Variants in RPL28 observed in about 807,000 individuals in gnomAD.
The protein encoded by RPL28 is large ribosomal subunit protein eL28.
Under a neutral mutation model 12.5 loss-of-function variants are expected in RPL28, and 4 were observed. The ratio of observed to expected loss-of-function variants is 0.32; its 90% CI spans 0.16 to 0.73. The LOEUF is 0.73. Among genes scored for constraint, RPL28 ranks in the 30% least tolerant of loss-of-function variants. RPL28 has a pLI of 0.66. For missense variants in RPL28, 214 were observed against 197.7 expected, an observed-to-expected ratio of 1.08 and a Z score of -0.49; for synonymous variants, 91 against 72.5, an observed-to-expected ratio of 1.26 and a Z score of -1.30.
Position 55,386,676 on chromosome 19 carries a change from T to C in RPL28, c.188T>C (p.Val63Ala). The change falls in exon 3 of 5, where the codon GTC becomes GCC. Residue 63 changes from valine to alanine, a missense_variant. By Grantham distance (64) the Val-to-Ala change is moderately conservative. Transcript: ENST00000344063. ...GCCGACGGCAAAGGTGTCGTGGTGG[T>C]CATTAAGCGGAGATCCGGTGAGTTT... The part of the protein sequence containing the change: ...PAADGKGVVV[V>A]IKRRSGQRKP... 1 of 1,614,062 alleles carries C rather than the reference T, an allele frequency of 6.2e-7. No homozygotes were observed. The highest frequency in any genetic ancestry group is 8.5e-7 in the Non-Finnish European group (1 of 1,179,986).
chr19:55,396,252 CA>C (rs2090021517), downstream of RPL28, among the ~76,000 whole-genome samples: 1 of 146,000 alleles, frequency 6.8e-6, no homozygotes, highest in South Asian at 2.2e-4. Flanking sequence ...GCCTGAACAA[CA>C]AGAATGTAAA....
At chr19:55,387,228 C>T in intron 3 of RPL28, 1 of 1,498,436 alleles carries the variant, frequency 6.7e-7, no homozygotes, top group South Asian at 1.2e-5. Flanking sequence ...TCGGGGGTCT[C>T]TAATGGAGGA....
At position 55,390,983 on chromosome 19, in the gene RPL28, A is replaced by T. The variant is rs1288183880; in HGVS notation, c.*2651A>T. The T allele has an allele frequency of 1.0e-6, 1 of 984,378 alleles. No homozygotes were observed. Among genetic ancestry groups the T allele is most frequent in the Non-Finnish European group, 1.2e-6 (1 of 828,932 alleles). The allele number at this position is 984,378 out of a possible 1,614,324, so 61.0% of individuals were successfully genotyped here. On this transcript the variant is annotated 3_prime_UTR_variant, in exon 5 of 5. Transcript: ENST00000344063. ...GAAAACCAGTTAAACCAAAAACATG[A>T]TATTAAGAAAACAGGCAGGCTCACC...
rs199739944 is a variant in RPL28, at chr19:55,388,135, G to T, written c.324+87G>T. ...CCACTACTGGTTGCAATATGGGCTG[G>T]AGAGGGATGGATTCTTGCTTTCAGC... On this transcript the variant is annotated intron_variant, in intron 4 of 4. Transcript: ENST00000344063. 3.3e-4 allele frequency: 523 copies of T among 1,583,916 alleles called. 3 individuals are homozygous for T. In the Middle Eastern group the frequency reaches 4.4e-3, roughly 13 times the overall value.
rs1128625 is a variant in RPL28 at position 55,388,043 on chromosome 19, C to T, written c.319C>T (p.Arg107Cys). The change falls in exon 4 of 5, where the codon CGC becomes TGC. Residue 107 changes from arginine to cysteine, a missense_variant. Transcript: ENST00000344063. ...CAAGAACAAGTACCGCCCCGACCTG[C>T]GCATGGTGAGCTGGGGTTTGGGGAT... ...IRKNKYRPDL[R>C]MAAIRRASAI... 9 of 1,613,850 alleles carry T rather than the reference C, an allele frequency of 5.6e-6. No individual in the cohort carries two copies. The highest frequency in any genetic ancestry group is 3.3e-5 in the Admixed American group (2 of 59,974).
chr19:55,392,874 A>G (rs1252541611), downstream of RPL28, among the ~76,000 whole-genome samples: 1 of 152,102 alleles, frequency 6.6e-6, no homozygotes, highest in African/African-American at 2.4e-5. Flanking sequence ...TCATGGCAAC[A>G]GGAACCTCCC....
downstream of RPL28, chr19:55,403,338 A>T: frequency 1.9e-6 from 1 of 516,278 alleles, no homozygotes; most frequent in Non-Finnish European, 3.4e-6. Flanking sequence ...AAAATATAAA[A>T]ACTAGCTGGG....
At position 55,386,388 on chromosome 19, in the gene RPL28, C is replaced by T. The variant is rs1210568276; in HGVS notation, c.31C>T (p.Arg11Trp). ...TGCGCATCTGCAATGGATGGTCGTG[C>T]GGAACTGCTCCAGTTTCCTGATCAA... is the stretch of plus-strand genomic sequence containing the variant. MSAHLQWMVV[R>W]NCSSFLIKRN... The change falls in exon 2 of 5, where the codon CGG becomes TGG. Residue 11 changes from arginine (R) to tryptophan (W), a missense_variant. Coordinates refer to ENST00000344063, the MANE Select transcript of RPL28 (RefSeq NM_000991.5). The T allele has an allele frequency of 5.0e-6, 8 of 1,614,010 alleles. No homozygotes were observed. Among genetic ancestry groups the T allele is most frequent in the African/African-American group, 1.3e-5 (1 of 74,930 alleles).
chr19:55,387,983 C>A lies in RPL28; in HGVS notation c.259C>A (p.Arg87Ser). 6.2e-7 allele frequency: 1 copy of A among 1,609,698 alleles called. No individual in the cohort carries two copies. Among genetic ancestry groups the A allele is most frequent in the Non-Finnish European group, 8.5e-7 (1 of 1,178,048 alleles). The part of the protein sequence containing the change: ...YVRTTINKNA[R>S]ATLSSIRHMI... ...GCGGACCACCATCAACAAGAATGCT[C>A]GCGCCACGCTCAGCAGCATCAGACA... is the stretch of plus-strand genomic sequence containing the variant. Residue 87 changes from arginine (R) to serine (S), a missense_variant, in exon 4 of 5, where the codon CGC becomes AGC. Physicochemically the swap from Arg to Ser is moderately radical, Grantham distance 110. Coordinates refer to ENST00000344063, the MANE Select transcript of RPL28 (RefSeq NM_000991.5).
chr19:55,388,317 C>T lies in RPL28; in HGVS notation c.399C>T (p.Pro133=). 3.2e-6 allele frequency: 5 copies of T among 1,574,770 alleles called. No homozygotes were observed. The highest frequency in any genetic ancestry group is 4.3e-6 in the Non-Finnish European group (5 of 1,162,080). Reference sequence around the variant, plus strand: ...TGGTGAAGAGGAAGCGGACCCGCCCCACCAAGAGCTCCTGAGCCCCCTGCC... The same window carrying T: ...TGGTGAAGAGGAAGCGGACCCGCCCTACCAAGAGCTCCTGAGCCCCCTGCC... The part of the protein sequence containing the change: ...PVMVKRKRTR[P]TKSS The change falls in exon 5 of 5, where the codon CCC becomes CCT. Residue 133 remains proline (P), a synonymous_variant. Coordinates refer to ENST00000344063, the MANE Select transcript of RPL28 (RefSeq NM_000991.5).
At chr19:55,387,430 T>C (rs1360516816) in intron 3 of RPL28, 2 of 1,535,456 alleles carry the variant, frequency 1.3e-6, no homozygotes, top group Admixed American at 2.0e-5. Flanking sequence ...TGCTTGGCAC[T>C]TGGGGACCCC....
downstream of RPL28, among the ~76,000 whole-genome samples, chr19:55,395,402 G>A (rs1346381336): frequency 6.6e-6 from 1 of 151,636 alleles, no homozygotes; most frequent in Non-Finnish European, 1.5e-5. Context: ...CAAAGTGCTG[G>A]AATTACAGGC....
chr19:55,390,372 G>A lies in RPL28; in HGVS notation c.*2040G>A. On this transcript the variant is annotated 3_prime_UTR_variant, in exon 5 of 5. Coordinates refer to ENST00000344063, the MANE Select transcript of RPL28 (RefSeq NM_000991.5). ...GGTGGGTGTCACCACACCCAGCTCAGTATTGTATTTTTAGCAGAGATGGGG... is the reference window on the plus strand; with the variant it reads ...GGTGGGTGTCACCACACCCAGCTCAATATTGTATTTTTAGCAGAGATGGGG... 2 of 784,020 alleles carry A rather than the reference G, an allele frequency of 2.6e-6. No individual in the cohort carries two copies. Among genetic ancestry groups the A allele is most frequent in the Non-Finnish European group, 3.1e-6 (2 of 646,306 alleles). The allele number at this position is 784,020 out of a possible 1,614,324, so 48.6% of individuals were successfully genotyped here.
At position 55,391,100 on chromosome 19, in the gene RPL28, C is replaced by A; in HGVS notation, c.*2768C>A. The A allele has an allele frequency of 2.6e-6, 1 of 383,042 alleles. No individual in the cohort carries two copies. The highest frequency in any genetic ancestry group is 3.6e-6 in the Non-Finnish European group (1 of 278,352). The allele number at this position is 383,042 out of a possible 1,614,324, so 23.7% of individuals were successfully genotyped here. A position where few individuals can be genotyped will look rare whatever the true frequency, so the allele number is the denominator to read the frequency against. On this transcript the variant is annotated 3_prime_UTR_variant, in exon 5 of 5. Coordinates refer to ENST00000344063, the MANE Select transcript of RPL28 (RefSeq NM_000991.5). ...AGAAGGTCCCTGATAAAGTTAGTAG[C>A]TGCCCTCATCAGAAACCAGGCCCAG...
chr19:55,403,177 C>CA (rs2090073893), exon 5 of RPL28: 4 of 674,056 alleles, frequency 5.9e-6, no homozygotes, highest in Middle Eastern at 2.7e-4. Context: ...CCTTGGGGGG[C>CA]AAAATCACCT....
intron 3 of RPL28, 62 bp from the exon 4 acceptor site, chr19:55,387,868 G>T: frequency 2.7e-6 from 4 of 1,506,302 alleles, no homozygotes; most frequent in South Asian, 1.3e-5. Context: ...CCACACCTGC[G>T]AGGTGTGCTA....
downstream of RPL28, chr19:55,392,175 T>C (rs1011382329): frequency 1.3e-5 from 12 of 931,578 alleles, no homozygotes; most frequent in African/African-American, 1.8e-5. Context: ...TCCCAGCCCC[T>C]AAGTTAGCCA....
rs55776192 is a variant in RPL28 at position 55,388,504 on chromosome 19, A to C, written c.*172A>C. On this transcript the variant is annotated 3_prime_UTR_variant, in exon 5 of 5. Coordinates refer to ENST00000344063, the MANE Select transcript of RPL28 (RefSeq NM_000991.5). ...CTGGAGGTGATGTCAATGGCTGGCC[A>C]TGCAGGAGGGGTGGGGTAGCTGCCT... 1 of 1,308,490 alleles carries C rather than the reference A, an allele frequency of 7.6e-7. No individual in the cohort carries two copies. Among genetic ancestry groups the C allele is most frequent in the Non-Finnish European group, 9.8e-7 (1 of 1,024,788 alleles). 81.1% of individuals were successfully genotyped at this position (1,308,490 alleles called of 1,614,324 possible).
chr19:55,391,069 A>G lies in RPL28; in HGVS notation c.*2737A>G. ...GAGAACAAAAGAAAAGCGTCTTGTC[A>G]CATACAGAAGGTCCCTGATAAAGTT... On this transcript the variant is annotated 3_prime_UTR_variant, in exon 5 of 5. Coordinates refer to ENST00000344063, the MANE Select transcript of RPL28 (RefSeq NM_000991.5). 1 of 614,906 alleles carries G rather than the reference A, an allele frequency of 1.6e-6. No homozygotes were observed. The highest frequency in any genetic ancestry group is 2.0e-6 in the Non-Finnish European group (1 of 491,204). 38.1% of individuals were successfully genotyped at this position (614,906 alleles called of 1,614,324 possible).
Sources: allele counts gnomAD v4.1 joint callset (sites outside exome capture counted in the v4.1 genomes callset), GRCh38; gene constraint gnomAD v4.1.1; transcripts MANE v1.5; gene names NCBI Gene and HGNC (gene_info 2026-07-23, HGNC 2026-07-21).